The following SEZ6L2 variants were observed in gnomAD, a reference collection of about 807,000 sequenced individuals.
SEZ6L2 encodes the protein seizure related 6 homolog like 2.
Under a neutral mutation model 97.0 loss-of-function variants are expected in SEZ6L2, and 44 were observed. That is an observed-to-expected ratio of 0.45 (90% CI 0.36 to 0.58). The LOEUF is 0.58. Among genes scored for constraint, SEZ6L2 ranks in the 20% least tolerant of loss-of-function variants. The pLI, the probability that SEZ6L2 is intolerant of heterozygous loss-of-function variation, is 0.00. For missense variants in SEZ6L2, 1,086 were observed against 1,233.3 expected (o/e 0.88, Z 1.79); for synonymous variants, 543 against 546.1 (o/e 0.99, Z 0.08).
chr16:29,893,768 T>C (rs1567426118), intron 5 of SEZ6L2, among the ~76,000 whole-genome samples: 1 of 152,218 alleles, frequency 6.6e-6, no homozygotes, highest in Admixed American at 6.5e-5. Context: ...CCTCCCAGCC[T>C]GGTCTCTGGC....
At chr16:29,889,589 C>T (rs2068224243) in intron 5 of SEZ6L2, among the ~76,000 whole-genome samples, 2 of 148,592 alleles carry the variant, frequency 1.3e-5, no homozygotes, top group Non-Finnish European at 3.0e-5. Flanking sequence ...CCTCAGCTTC[C>T]ATCCAGAAGA....
In SEZ6L2 at chr16:29,876,746, G is replaced by A. The variant is rs1245801953; in HGVS notation, c.2104+10C>T. 3.3e-6 allele frequency: 5 copies of A among 1,529,196 alleles called. No individual in the cohort carries two copies. The highest frequency in any genetic ancestry group is 3.5e-6 in the Non-Finnish European group (4 of 1,133,950). 94.7% of individuals were successfully genotyped at this position (1,529,196 alleles called of 1,614,324 possible). A position where few individuals can be genotyped will look rare whatever the true frequency, so the allele number is the denominator to read the frequency against. ...GCGGGGCCGAGGGGACGCGGGCGGG[G>A]CCGGCTCACTCTTTTGGCAGGCGGG... On this transcript the variant is annotated intron_variant, in intron 12 of 17. Transcript: ENST00000617533. The surrounding 1 kb of genome is among the most constrained non-coding windows in gnomAD (Gnocchi z 6.5).
intron 7 of SEZ6L2, among the ~76,000 whole-genome samples, chr16:29,887,201 A>C (rs1407763581): frequency 6.6e-6 from 1 of 151,648 alleles, no homozygotes; most frequent in Non-Finnish European, 1.5e-5. Flanking sequence ...AAAAAAAAAA[A>C]AAAAAGGCTT....
At chr16:29,880,435 C>T (rs372940443) in intron 8 of SEZ6L2, among the ~76,000 whole-genome samples, 2 of 152,132 alleles carry the variant, frequency 1.3e-5, no homozygotes, top group African/African-American at 4.8e-5. Flanking sequence ...AAGCGATTCT[C>T]CTGCCTCCTG....
intron 2 of SEZ6L2, among the ~76,000 whole-genome samples, 196 bp from the exon 3 acceptor site, chr16:29,897,317 C>G (rs2068425409): frequency 6.6e-6 from 1 of 150,882 alleles, no homozygotes; most frequent in Non-Finnish European, 1.5e-5. Flanking sequence ...TGAGTCCCCC[C>G]TCTTTCTCTT....
chr16:29,895,530 G>A, intron 4 of SEZ6L2, 70 bp from the exon 5 acceptor site: 1 of 1,548,450 alleles, frequency 6.5e-7, no homozygotes, highest in Non-Finnish European at 8.8e-7. Flanking sequence ...CCCCTGTCCT[G>A]TGCCTTTGCC....
chr16:29,880,736 C>T (rs767959274), intron 8 of SEZ6L2, among the ~76,000 whole-genome samples: 1 of 151,426 alleles, frequency 6.6e-6, no homozygotes, highest in Non-Finnish European at 1.5e-5. Flanking sequence ...GGATTACAGA[C>T]ATGAGTCACT....
chr16:29,881,928 C>A (rs1327346657), intron 8 of SEZ6L2, among the ~76,000 whole-genome samples: 1 of 136,084 alleles, frequency 7.3e-6, no homozygotes, highest in Non-Finnish European at 1.5e-5. Context: ...CCATACCCGG[C>A]CTTTTTTTTT....
chr16:29,882,438 G>T (rs746979191), intron 8 of SEZ6L2, among the ~76,000 whole-genome samples: 1 of 151,950 alleles, frequency 6.6e-6, no homozygotes, highest in Non-Finnish European at 1.5e-5. Context: ...TTAGCTGGGC[G>T]TGGTGGTACA....
chr16:29,892,925 A>G (rs749992997), intron 5 of SEZ6L2, among the ~76,000 whole-genome samples: 69 of 152,320 alleles, frequency 4.5e-4, no homozygotes, highest in Non-Finnish European at 7.5e-4. Flanking sequence ...GTCATCTGTC[A>G]TAGGTCCTAA....
Position 29,888,686 on chromosome 16 carries a change from T to A in SEZ6L2, c.893A>T (p.His298Leu). 1 of 1,613,640 alleles carries A rather than the reference T, an allele frequency of 6.2e-7. No individual in the cohort carries two copies. The highest frequency in any genetic ancestry group is 8.5e-7 in the Non-Finnish European group (1 of 1,179,806). ...CAGGTCCGTCACACTCACGTCCCCATGGGCCGGCCGGGGAGGGAAGCCACA... is the reference window on the plus strand; with the variant it reads ...CAGGTCCGTCACACTCACGTCCCCAAGGGCCGGCCGGGGAGGGAAGCCACA... Reference protein sequence around the residue: ...LSCGFPPRPAHGDVSVTDLHP... With the variant: ...LSCGFPPRPALGDVSVTDLHP... The change falls in exon 6 of 18, where the codon CAT (histidine) becomes CTT (leucine). Residue 298 changes from histidine (H) to leucine (L), a missense_variant. His to Leu is a moderately conservative substitution (Grantham distance 99). This residue lies in a region of SEZ6L2 where 776 missense variants were observed against 794.7 expected (regional missense o/e 0.98). Transcript: ENST00000617533.
At position 29,871,693 on chromosome 16, in the gene SEZ6L2, T is replaced by TG. The variant is rs1173966830; in HGVS notation, c.*5dup. On this transcript the variant is annotated 3_prime_UTR_variant, in exon 18 of 18. Coordinates refer to ENST00000617533, the MANE Select transcript of SEZ6L2 (RefSeq NM_001243332.2). ...GTCCTGGGTCCTGCAGCTGTAGTCT[T>TG]GGGGTTCAGATGGAAACTTCATACT... 1 of 1,608,872 alleles carries TG rather than the reference T, an allele frequency of 6.2e-7. No individual in the cohort carries two copies. Among genetic ancestry groups the TG allele is most frequent in the Non-Finnish European group, 8.5e-7 (1 of 1,177,582 alleles).
Position 29,895,711 on chromosome 16 carries a change from G to T in SEZ6L2, c.651+10C>A. ...GGAAGCTGCACAGTCACATGCTTTG[G>T]TCCAGTTACCTGGATCTCAATGCCG... On this transcript the variant is annotated intron_variant, in intron 4 of 17. Coordinates refer to ENST00000617533, the MANE Select transcript of SEZ6L2 (RefSeq NM_001243332.2). The T allele has an allele frequency of 6.2e-7, 1 of 1,611,062 alleles. No individual in the cohort carries two copies. The highest frequency in any genetic ancestry group is 1.1e-5 in the South Asian group (1 of 90,726).
chr16:29,897,862 A>C lies in SEZ6L2; in HGVS notation c.202T>G (p.Tyr68Asp). The change falls in exon 2 of 18, where the codon TAC (tyrosine) becomes GAC (aspartate). Residue 68 changes from tyrosine (Y) to aspartate (D), a missense_variant. This residue lies in a region of SEZ6L2 where 776 missense variants were observed against 794.7 expected (regional missense o/e 0.98). Transcript: ENST00000617533. The part of the protein sequence containing the change: ...ALLRRGPEMG[Y>D]LPGSDRDPTL... ...ACTCTGGGGGCCTCACCTGGCAGGT[A>C]GCCCATCTCTGGGCCCCTCCTCAGC... The C allele has an allele frequency of 6.2e-7, 1 of 1,604,186 alleles. No individual in the cohort carries two copies. Among genetic ancestry groups the C allele is most frequent in the Non-Finnish European group, 8.5e-7 (1 of 1,177,096 alleles).
intron 8 of SEZ6L2, among the ~76,000 whole-genome samples, chr16:29,881,880 T>G (rs1199569011): frequency 1.3e-5 from 2 of 149,888 alleles, no homozygotes; most frequent in African/African-American, 4.9e-5. Flanking sequence ...TCCACCCGCC[T>G]CAGCCTCCCA....
intron 5 of SEZ6L2, among the ~76,000 whole-genome samples, chr16:29,892,668 G>A (rs950483873): frequency 1.3e-5 from 2 of 152,244 alleles, no homozygotes; most frequent in African/African-American, 2.4e-5. Flanking sequence ...AGGCATCTGC[G>A]GTCAGCAGAG....
At chr16:29,877,140 C>T (rs2067922670) in intron 11 of SEZ6L2, 131 bp downstream of exon 11, 4 of 1,168,632 alleles carry the variant, frequency 3.4e-6, no homozygotes, top group Non-Finnish European at 3.6e-6. Context: ...AACCTCCTGG[C>T]TTCAAACGAT....
intron 11 of SEZ6L2, 93 bp from the exon 12 acceptor site, chr16:29,877,043 T>C: frequency 7.7e-7 from 1 of 1,306,966 alleles, no homozygotes; most frequent in Non-Finnish European, 1.0e-6. Context: ...CCTCCCGGGA[T>C]CTGTCTCTCT....
At chr16:29,898,895 G>A (rs1567431159) in intron 1 of SEZ6L2, 46 bp downstream of exon 1, 2 of 1,487,776 alleles carry the variant, frequency 1.3e-6, no homozygotes, top group Non-Finnish European at 1.9e-6. Context: ...GGAGGACCCC[G>A]CTGGACGCCT....
Sources: gnomAD v4.1 joint callset for allele counts (sites outside exome capture counted in the v4.1 genomes callset) on GRCh38, gnomAD v4.1.1 for gene constraint, gnomAD v4.1.1 regional missense constraint, Gnocchi (gnomAD v3.1) non-coding constraint, MANE v1.5 for transcripts, NCBI Gene and HGNC (gene_info 2026-07-23, HGNC 2026-07-21) for gene names.